SLC5A7: variants seen among roughly 807,000 people sequenced by gnomAD.
The protein encoded by SLC5A7 is high affinity choline transporter 1.
SLC5A7 carries 19 observed loss-of-function variants against 55.4 expected under a neutral mutation model. That is an observed-to-expected ratio of 0.34 (90% confidence interval 0.24 to 0.50). The LOEUF (loss-of-function observed/expected upper bound fraction) is 0.50, where lower values mean the gene tolerates loss of function less well. SLC5A7 is among the 20% of genes least tolerant of loss of function. The pLI is 0.98. For missense variants in SLC5A7, 506 were observed against 705.3 expected (o/e 0.72, Z 3.20); for synonymous variants, 265 against 263.7 (o/e 1.00, Z -0.05).
Position 108,012,053 on chromosome 2 carries a change from C to G in SLC5A7, c.*1192C>G, listed in dbSNP as rs1405504978. 1.3e-5 allele frequency: 2 copies of G among 152,360 alleles called. No individual in the cohort carries two copies. 9.4% of individuals were successfully genotyped at this position (152,360 alleles called of 1,614,324 possible). On this transcript the variant is annotated 3_prime_UTR_variant, in exon 9 of 9. Transcript: ENST00000264047. ...AAGAAAGCAAAAAATAAAATAAGTC[C>G]TAAAGTGAAGAAGCCATCAATTTTA...
intron 6 of SLC5A7, among the ~76,000 whole-genome samples, chr2:108,005,143 G>A (rs1298064213): frequency 6.6e-6 from 1 of 152,160 alleles, no homozygotes; most frequent in Non-Finnish European, 1.5e-5. Flanking sequence ...ATACATAGAA[G>A]TTCTAGTATT....
chr2:107,997,873 C>T lies in SLC5A7; in HGVS notation c.484C>T (p.His162Tyr), dbSNP rs1306233344. 1.9e-6 allele frequency: 3 copies of T among 1,612,406 alleles called. No individual in the cohort carries two copies. Among genetic ancestry groups the T allele is most frequent in the Non-Finnish European group, 2.5e-6 (3 of 1,179,162 alleles). Residue 162 changes from histidine (H) to tyrosine (Y), a missense_variant, in exon 5 of 9, where the codon CAC becomes TAC. Physicochemically the swap from His to Tyr is moderately conservative, Grantham distance 83. This residue lies in a region of SLC5A7 where 309 missense variants were observed against 478.6 expected (regional missense o/e 0.65). Coordinates refer to ENST00000264047, the MANE Select transcript of SLC5A7 (RefSeq NM_021815.5). ...CAGCGTGATCATCGATGTGGATATGCACATTTCTGTCATCATCTCTGCACT... is the reference window on the plus strand; with the variant it reads ...CAGCGTGATCATCGATGTGGATATGTACATTTCTGTCATCATCTCTGCACT... ...TISVIIDVDM[H>Y]ISVIISALIA... is the part of the protein sequence containing the mutation.
chr2:107,995,462 AGAGAGAGAGT>A (rs1305474965), intron 4 of SLC5A7, among the ~76,000 whole-genome samples: 2 of 127,692 alleles, frequency 1.6e-5, no homozygotes, highest in Admixed American at 1.7e-4. Flanking sequence ...AGAGAGAGAG[AGAGAGAGAGT>A]GTGTGTGTGT....
chr2:107,996,980 A>T (rs1021648740), intron 4 of SLC5A7, among the ~76,000 whole-genome samples: 1 of 152,168 alleles, frequency 6.6e-6, no homozygotes, highest in Non-Finnish European at 1.5e-5. Flanking sequence ...GTTCCTACAA[A>T]TTTTTCTCAA....
At position 107,992,117 on chromosome 2, in the gene SLC5A7, G is replaced by A. The variant is rs998009546; in HGVS notation, c.190G>A (p.Gly64Arg). 6.2e-6 allele frequency: 10 copies of A among 1,611,856 alleles called. No individual in the cohort carries two copies. Among genetic ancestry groups the A allele is most frequent in the Admixed American group, 1.7e-5 (1 of 59,940 alleles). The change falls in exon 3 of 9, where the codon GGA (glycine) becomes AGA (arginine). Residue 64 changes from glycine (G) to arginine (R), a missense_variant. By Grantham distance (125) the Gly-to-Arg change is moderately radical. Coordinates refer to ENST00000264047, the MANE Select transcript of SLC5A7 (RefSeq NM_021815.5). Reference sequence around the variant, plus strand: ...TCATTCTGTTTCAGCTACCTGGGTCGGAGGAGGGTATATCAATGGCACAGC... The same window carrying A: ...TCATTCTGTTTCAGCTACCTGGGTCAGAGGAGGGTATATCAATGGCACAGC... ...GGFTMTATWV[G>R]GGYINGTAEA...
chr2:108,010,124 C>A, intron 8 of SLC5A7, 108 bp from the exon 9 acceptor site: 1 of 1,343,718 alleles, frequency 7.4e-7, no homozygotes, highest in Non-Finnish European at 1.0e-6. Flanking sequence ...GCCATTTGAA[C>A]CAGGAGAATT....
intron 2 of SLC5A7, 31 bp from the exon 3 acceptor site, chr2:107,992,075 T>A: frequency 1.4e-6 from 2 of 1,440,462 alleles, no homozygotes; most frequent in Non-Finnish European, 2.0e-6. Context: ...GGTAAGACAG[T>A]ATCACTCCCT....
intron 5 of SLC5A7, 146 bp downstream of exon 5, chr2:107,998,132 C>A: frequency 1.2e-6 from 1 of 814,462 alleles, no homozygotes; most frequent in Non-Finnish European, 1.8e-6. Context: ...CAAATTTCTC[C>A]ATAAATTAAT....
chr2:107,989,348 C>A (rs564561501), intron 2 of SLC5A7, among the ~76,000 whole-genome samples: 1 of 152,284 alleles, frequency 6.6e-6, no homozygotes. Flanking sequence ...CCGTGTATAT[C>A]AGATAGTTTA....
At chr2:108,006,550 G>T (rs763010418) in intron 7 of SLC5A7, among the ~76,000 whole-genome samples, 1 of 151,900 alleles carries the variant, frequency 6.6e-6, no homozygotes, top group Non-Finnish European at 1.5e-5. Flanking sequence ...ACTCCACTAT[G>T]AAACATTGGT....
chr2:107,999,480 G>A (rs1028420959), intron 5 of SLC5A7, among the ~76,000 whole-genome samples: 3 of 152,170 alleles, frequency 2.0e-5, no homozygotes, highest in Non-Finnish European at 4.4e-5. Flanking sequence ...GTATGCAAGT[G>A]TAAAGATGAC....
rs57328827 is a variant in SLC5A7, at chr2:107,995,470, A to AGTGTGTGTGTGT, written c.449-2348_449-2337dup. Among the ~76,000 whole-genome samples, 416 of 137,242 alleles carry AGTGTGTGTGTGT rather than the reference A, an allele frequency of 3.0e-3. 2 individuals carry two copies. The highest frequency in any genetic ancestry group is 0.011 in the African/African-American group (402 of 36,128). 90.0% of individuals were successfully genotyped at this position (137,242 alleles called of 152,430 possible). ...GAGAGAGAGAGAGAGAGAGAGAGAG[A>AGTGTGTGTGTGT]GTGTGTGTGTGTGTGTGTGTGTGTG... On this transcript the variant is annotated intron_variant, in intron 4 of 8. Coordinates refer to ENST00000264047, the MANE Select transcript of SLC5A7 (RefSeq NM_021815.5).
chr2:108,004,035 C>T (rs779462300), intron 6 of SLC5A7, among the ~76,000 whole-genome samples: 1 of 152,152 alleles, frequency 6.6e-6, no homozygotes, highest in Non-Finnish European at 1.5e-5. Context: ...GAGGGCTCCA[C>T]CCTCATGACC....
chr2:107,998,518 TTA>T (rs1291425641), intron 5 of SLC5A7, among the ~76,000 whole-genome samples: 9 of 152,214 alleles, frequency 5.9e-5, no homozygotes, highest in African/African-American at 1.4e-4. Flanking sequence ...TTTATTATAA[TTA>T]TGAGACATGA....
chr2:107,989,256 G>A (rs972360168), intron 2 of SLC5A7, among the ~76,000 whole-genome samples: 5 of 152,142 alleles, frequency 3.3e-5, no homozygotes, highest in Non-Finnish European at 5.9e-5. Flanking sequence ...AACTGTGAGC[G>A]TTCATTGGAA....
chr2:108,007,492 GTGTGTGTGTGTC>G (rs1384150596), intron 7 of SLC5A7, among the ~76,000 whole-genome samples: 1 of 151,850 alleles, frequency 6.6e-6, no homozygotes, highest in Non-Finnish European at 1.5e-5. Flanking sequence ...GTGTGTGTGT[GTGTGTGTGTGTC>G]TGTGTGTGTG....
intron 7 of SLC5A7, among the ~76,000 whole-genome samples, chr2:108,006,829 A>G (rs1216868010): frequency 6.6e-6 from 1 of 152,194 alleles, no homozygotes; most frequent in African/African-American, 2.4e-5. Flanking sequence ...TGTCATCCTC[A>G]TGACCTCCCT....
At chr2:107,997,705 G>C in intron 4 of SLC5A7, 133 bp from the exon 5 acceptor site, 2 of 789,594 alleles carry the variant, frequency 2.5e-6, no homozygotes, top group Non-Finnish European at 3.7e-6. Context: ...ATTAACTTTA[G>C]GTGTTTTCAT....
chr2:108,001,993 G>C lies in SLC5A7; in HGVS notation c.694G>C (p.Val232Leu). 6.2e-7 allele frequency: 1 copy of C among 1,614,216 alleles called. No individual in the cohort carries two copies. Among genetic ancestry groups the C allele is most frequent in the Non-Finnish European group, 8.5e-7 (1 of 1,180,030 alleles). Residue 232 changes from valine to leucine, a missense_variant, in exon 6 of 9, where the codon GTT becomes CTT. Val to Leu is a conservative substitution (Grantham distance 32, BLOSUM62 1). Coordinates refer to ENST00000264047, the MANE Select transcript of SLC5A7 (RefSeq NM_021815.5). ...ATACCAAAAGCCGTGGCTGGGAACT[G>C]TTGACTCATCTGAAGTCTACTCTTG... ...AKYQKPWLGT[V>L]DSSEVYSWLD...
Sources: gnomAD v4.1 joint callset for allele counts (sites outside exome capture counted in the v4.1 genomes callset) on GRCh38, gnomAD v4.1.1 for gene constraint, gnomAD v4.1.1 regional missense constraint, MANE v1.5 for transcripts, NCBI Gene and HGNC (gene_info 2026-07-23, HGNC 2026-07-21) for gene names.